EIF3L: variants seen among roughly 807,000 people sequenced by gnomAD.
EIF3L encodes eIEF associated protein HSPC021.
Under a neutral mutation model 74.6 loss-of-function variants are expected in EIF3L, and 32 were observed. The ratio of observed to expected loss-of-function variants is 0.43; its 90% CI spans 0.32 to 0.58. The LOEUF (loss-of-function observed/expected upper bound fraction) is 0.58, where lower values mean the gene tolerates loss of function less well. Among genes scored for constraint, EIF3L ranks in the 20% least tolerant of loss-of-function variants. The pLI is 0.06. For synonymous variants in EIF3L, 256 were observed against 254.4 expected (o/e 1.01, Z -0.06); for missense variants, 474 against 707.8 (o/e 0.67, Z 3.75).
intron 5 of EIF3L, among the ~76,000 whole-genome samples, chr22:37,860,001 G>C (rs533165783): frequency 3.3e-5 from 5 of 152,166 alleles, no homozygotes; most frequent in East Asian, 2.0e-4. Flanking sequence ...GACAGAGTGA[G>C]ACTCTTGTCT....
chr22:37,870,796 A>G (rs539575231), intron 8 of EIF3L, among the ~76,000 whole-genome samples: 60 of 151,870 alleles, frequency 4.0e-4, no homozygotes, highest in Non-Finnish European at 7.2e-4. Context: ...TCTGCATTCA[A>G]TCTGTTGCAA....
chr22:37,860,039 A>G (rs925459065), intron 5 of EIF3L, among the ~76,000 whole-genome samples: 2 of 152,088 alleles, frequency 1.3e-5, no homozygotes, highest in Non-Finnish European at 1.5e-5. Context: ...TGCCATCTGT[A>G]TTATTTATAT....
rs1295694711 is a variant in EIF3L, at chr22:37,878,163, A to T, written c.1567A>T (p.Ile523Phe). ...FQSASEVDFY[I>F]DKDMIHIADT... Reference sequence around the variant, plus strand: ...GTCAGCCTCAGAGGTTGACTTCTACATTGATAAGGTATGCCTGTCCCCTGG... The same window carrying T: ...GTCAGCCTCAGAGGTTGACTTCTACTTTGATAAGGTATGCCTGTCCCCTGG... The change falls in exon 11 of 13, where the codon ATT becomes TTT. Residue 523 changes from isoleucine (I) to phenylalanine (F), a missense_variant. Ile to Phe is a conservative substitution (Grantham distance 21). Around this residue, in one of 4 missense-constraint regions of EIF3L, gnomAD observed 293 missense variants for 469.1 expected, o/e 0.62. Coordinates refer to ENST00000652021, the MANE Select transcript of EIF3L (RefSeq NM_016091.4). 6.2e-7 allele frequency: 1 copy of T among 1,606,972 alleles called. No individual in the cohort carries two copies. The highest frequency in any genetic ancestry group is 8.5e-7 in the Non-Finnish European group (1 of 1,175,522).
chr22:37,850,008 C>G lies in EIF3L; in HGVS notation c.34-7C>G. On this transcript the variant is annotated splice_region_variant and splice_polypyrimidine_tract_variant and intron_variant, in intron 1 of 12. Transcript: ENST00000652021. The stretch of plus-strand genomic sequence containing the variant: ...GGCTGTCCTTGACTGTGTCTCTTTC[C>G]TTCTAGGCGGCTTATGACCCCTACG... 1 of 1,613,660 alleles carries G rather than the reference C, an allele frequency of 6.2e-7. No individual in the cohort carries two copies. The highest frequency in any genetic ancestry group is 8.5e-7 in the Non-Finnish European group (1 of 1,179,738).
chr22:37,854,510 C>T (rs946985083), intron 3 of EIF3L, among the ~76,000 whole-genome samples: 1 of 152,190 alleles, frequency 6.6e-6, no homozygotes, highest in Non-Finnish European at 1.5e-5. Flanking sequence ...TCTTGTTGCC[C>T]AGGCTAGAGT....
At chr22:37,876,095 C>T (rs1406580705) in intron 10 of EIF3L, 84 bp downstream of exon 10, 4 of 1,438,264 alleles carry the variant, frequency 2.8e-6, no homozygotes, top group East Asian at 4.6e-5. Context: ...TGGTAAACAC[C>T]ATCCAAAATA....
rs1193434011 is a variant in EIF3L, at chr22:37,878,985, C to T, written c.1575+814C>T. On this transcript the variant is annotated intron_variant, in intron 11 of 12. Transcript: ENST00000652021. ...TTTTTTGACAGTCTTGGTCTGTCGC[C>T]CAGGCTAGAGTGCAGTGGTGCAATC... The T allele has an allele frequency of 2.7e-5, 4 of 148,580 alleles. No homozygotes were observed. In the South Asian group the frequency reaches 6.5e-4, roughly 24 times the overall value. The allele number at this position is 148,580 out of a possible 1,614,324, so 9.2% of individuals were successfully genotyped here.
At chr22:37,850,129 C>T (rs776201215) in intron 2 of EIF3L, 66 bp downstream of exon 2, 4 of 1,571,876 alleles carry the variant, frequency 2.5e-6, no homozygotes, top group Non-Finnish European at 2.6e-6. Flanking sequence ...GTCTTAGAAC[C>T]AGCTCTGACA....
At chr22:37,888,295 A>G (rs1476585220) in intron 12 of EIF3L, 131 bp from the exon 13 acceptor site, 1 of 838,338 alleles carries the variant, frequency 1.2e-6, no homozygotes, top group African/African-American at 1.7e-5. Flanking sequence ...CACATAGTGG[A>G]CACCCACATC....
In EIF3L at chr22:37,851,481, A is replaced by G. The variant is rs756916168; in HGVS notation, c.284A>G (p.Tyr95Cys). 6 of 1,555,254 alleles carry G rather than the reference A, an allele frequency of 3.9e-6. No homozygotes were observed. Among genetic ancestry groups the G allele is most frequent in the African/African-American group, 1.4e-5 (1 of 72,628 alleles). Reference sequence around the variant, plus strand: ...AAGGTGTATGAGATCCAGGACATCTATGAGAACAGGTATGGGCTACTGGCT... The same window carrying G: ...AAGGTGTATGAGATCCAGGACATCTGTGAGAACAGGTATGGGCTACTGGCT... ...DQKVYEIQDI[Y>C]ENSWTKLTER... The change falls in exon 3 of 13, where the codon TAT becomes TGT. Residue 95 changes from tyrosine (Y) to cysteine (C), a missense_variant. This residue lies in a region of EIF3L where 141 missense variants were observed against 197.7 expected (regional missense o/e 0.71). Coordinates refer to ENST00000652021, the MANE Select transcript of EIF3L (RefSeq NM_016091.4).
chr22:37,871,872 GA>G (rs34538530), intron 8 of EIF3L, among the ~76,000 whole-genome samples: 34,460 of 119,722 alleles, frequency 0.29, 6,228 homozygotes, highest in East Asian at 0.7. Context: ...CTGTCTCGGG[GA>G]AAAAAAAAAA....
chr22:37,852,200 A>G (rs566236467), intron 3 of EIF3L, among the ~76,000 whole-genome samples: 111 of 152,334 alleles, frequency 7.3e-4, no homozygotes, highest in African/African-American at 2.5e-3. Context: ...TTTTATTACC[A>G]GGATAGATCC....
chr22:37,850,513 T>G (rs1601749279), intron 2 of EIF3L: 1 of 226,448 alleles, frequency 4.4e-6, no homozygotes, highest in East Asian at 1.4e-4. Flanking sequence ...ATTTTTAAAT[T>G]TTTTTAATAG....
chr22:37,888,100 T>C, intron 12 of EIF3L: 1 of 263,000 alleles, frequency 3.8e-6, no homozygotes, highest in Non-Finnish European at 7.2e-6. Context: ...ACAAGGATCC[T>C]GTTCAAAGCT....
In EIF3L at chr22:37,874,507, A is replaced by G. The variant is rs1241781804; in HGVS notation, c.889A>G (p.Ile297Val). Residue 297 changes from isoleucine (I) to valine (V), a missense_variant, in exon 9 of 13, where the codon ATC (isoleucine) becomes GTC (valine). This residue lies in a region of EIF3L where 293 missense variants were observed against 469.1 expected (regional missense o/e 0.62). Transcript: ENST00000652021. ...CCAGGCCATCAAGGTGCTGGAGAAC[A>G]TCGAACTGAACAAGAAGGTGATGCC... ...YYQAIKVLEN[I>V]ELNKKSMYSR... 5.0e-6 allele frequency: 8 copies of G among 1,614,084 alleles called. 1 individual carries two copies. The highest frequency in any genetic ancestry group is 3.3e-5 in the Admixed American group (2 of 60,002).
At chr22:37,884,405 G>C (rs946748051) in intron 11 of EIF3L, 3 of 151,966 alleles carry the variant, frequency 2.0e-5, no homozygotes, top group African/African-American at 7.3e-5. Context: ...GTTATTGTGT[G>C]AACATATGTT....
intron 8 of EIF3L, 95 bp downstream of exon 8, chr22:37,870,442 T>A (rs1926410362): frequency 4.8e-6 from 6 of 1,260,370 alleles, no homozygotes; most frequent in Non-Finnish European, 6.6e-6. Flanking sequence ...AGCAGATGAG[T>A]CACCATGTCT....
Position 37,888,284 on chromosome 22 carries a change from A to G in EIF3L, c.1657-142A>G, listed in dbSNP as rs565525166. On this transcript the variant is annotated intron_variant, in intron 12 of 12. Transcript: ENST00000652021. The stretch of plus-strand genomic sequence containing the variant: ...CCATATGAATGTCACGGCTTTGCAC[A>G]CACATAGTGGACACCCACATCAGAA... 5.3e-6 allele frequency: 4 copies of G among 761,244 alleles called. No individual in the cohort carries two copies. The East Asian group carries it at 7.5e-5, about 14-fold the overall frequency. 47.2% of individuals were successfully genotyped at this position (761,244 alleles called of 1,614,324 possible).
intron 7 of EIF3L, among the ~76,000 whole-genome samples, chr22:37,864,872 T>C (rs1926063309): frequency 6.6e-6 from 1 of 152,186 alleles, no homozygotes; most frequent in African/African-American, 2.4e-5. Flanking sequence ...ACATGTTCTG[T>C]TGTGGGCACA....
Sources: allele counts gnomAD v4.1 joint callset (sites outside exome capture counted in the v4.1 genomes callset), GRCh38; gene constraint gnomAD v4.1.1; regional missense constraint gnomAD v4.1.1; transcripts MANE v1.5; gene names NCBI Gene and HGNC (gene_info 2026-07-23, HGNC 2026-07-21).